Variants in ZNG1A observed in about 807,000 individuals in gnomAD.
ZNG1A encodes the protein zinc-regulated GTPase metalloprotein activator 1A.
the ZNG1A span, among the ~76,000 whole-genome samples, chr9:125,122 G>C: frequency 2.0e-5 from 3 of 152,194 alleles, no homozygotes; most frequent in African/African-American, 7.2e-5. Context: ...AGTTCTTTAA[G>C]GAATCTCCAC....
the ZNG1A span, among the ~76,000 whole-genome samples, chr9:135,248 T>C: frequency 3.9e-3 from 595 of 150,980 alleles, 3 homozygotes; most frequent in African/African-American, 0.014. Context: ...CATTCATATA[T>C]ATACATATGC....
At chr9:123,581 T>TTA in the ZNG1A span, 1 of 581,474 alleles carries the variant, frequency 1.7e-6, no homozygotes, top group Non-Finnish European at 3.1e-6. Flanking sequence ...ATATTAGGTA[T>TTA]TATACTTTCC....
the ZNG1A span, among the ~76,000 whole-genome samples, chr9:152,650 T>C: frequency 3.3e-5 from 5 of 152,032 alleles, no homozygotes; most frequent in African/African-American, 1.2e-4. Context: ...CTCCCTCTTT[T>C]GATACTATAG....
the ZNG1A span, among the ~76,000 whole-genome samples, chr9:155,153 A>G: frequency 6.6e-6 from 1 of 151,900 alleles, no homozygotes; most frequent in African/African-American, 2.4e-5. Flanking sequence ...TTTGTGAAGA[A>G]AAGCATAAAA....
chr9:124,910 A>G, the ZNG1A span, among the ~76,000 whole-genome samples: 1 of 151,594 alleles, frequency 6.6e-6, no homozygotes, highest in South Asian at 2.1e-4. Context: ...GCTGAGGAGT[A>G]TTCCATTGTA....
the ZNG1A span, chr9:159,903 T>C: frequency 8.4e-6 from 3 of 356,984 alleles, no homozygotes; most frequent in African/African-American, 2.2e-5. Flanking sequence ...AGTCTATTTA[T>C]TGTTCTGGCC....
chr9:145,432 G>T, the ZNG1A span, among the ~76,000 whole-genome samples: 13 of 150,830 alleles, frequency 8.6e-5, no homozygotes, highest in African/African-American at 3.2e-4. Flanking sequence ...ATCATTCTCA[G>T]TAAACTATCG....
chr9:129,601 G>C, the ZNG1A span, among the ~76,000 whole-genome samples: 1 of 149,976 alleles, frequency 6.7e-6, no homozygotes, highest in Non-Finnish European at 1.5e-5. Flanking sequence ...CTAATATCAG[G>C]TGTCTAAAAC....
At chr9:159,498 T>C in the ZNG1A span, among the ~76,000 whole-genome samples, 1 of 152,364 alleles carries the variant, frequency 6.6e-6, no homozygotes, top group Non-Finnish European at 1.5e-5. Context: ...TCGATTGTTT[T>C]ATAATGTAAT....
At chr9:139,934 C>T in the ZNG1A span, among the ~76,000 whole-genome samples, 1 of 150,638 alleles carries the variant, frequency 6.6e-6, no homozygotes, top group Non-Finnish European at 1.5e-5. Flanking sequence ...CACTCCCACC[C>T]CAATACTGCG....
chr9:146,885 C>G, the ZNG1A span: 1 of 151,992 alleles, frequency 6.6e-6, no homozygotes, highest in African/African-American at 2.4e-5. Flanking sequence ...CAGAAAACCA[C>G]AGAGGACAGG....
chr9:126,737 G>C, the ZNG1A span, among the ~76,000 whole-genome samples: 3 of 151,442 alleles, frequency 2.0e-5, no homozygotes, highest in South Asian at 6.3e-4. Flanking sequence ...CCTTTCTTCT[G>C]CTGGGTTTGT....
the ZNG1A span, among the ~76,000 whole-genome samples, chr9:129,874 G>A: frequency 6.8e-6 from 1 of 147,630 alleles, no homozygotes; most frequent in African/African-American, 2.5e-5. Flanking sequence ...GAAATGAGCT[G>A]TTGGGCAATT....
the ZNG1A span, among the ~76,000 whole-genome samples, chr9:169,130 C>T: frequency 1.2e-3 from 176 of 152,272 alleles, no homozygotes; most frequent in African/African-American, 4.1e-3. Flanking sequence ...AAGGATTCAT[C>T]ATTCTAGATG....
the ZNG1A span, among the ~76,000 whole-genome samples, chr9:126,479 T>C: frequency 2.0e-4 from 30 of 151,892 alleles, no homozygotes; most frequent in African/African-American, 7.3e-4. Flanking sequence ...TTTTAGGTTT[T>C]CTAGTTTATG....
the ZNG1A span, among the ~76,000 whole-genome samples, chr9:158,419 T>G: frequency 2.6e-5 from 4 of 151,470 alleles, no homozygotes; most frequent in East Asian, 7.7e-4. Context: ...ACTGAAATAT[T>G]TTTCAAGATA....
the ZNG1A span, among the ~76,000 whole-genome samples, chr9:176,648 C>T: frequency 4.0e-5 from 6 of 151,836 alleles, no homozygotes; most frequent in South Asian, 1.0e-3. Context: ...AGCTCAACAT[C>T]ACAAAAATAT....
At chr9:164,039 T>C in the ZNG1A span, 4 of 1,580,808 alleles carry the variant, frequency 2.5e-6, no homozygotes, top group Admixed American at 5.5e-5. Context: ...CCACTGCACC[T>C]GAAAATATAT....
the ZNG1A span, among the ~76,000 whole-genome samples, chr9:139,385 A>C: frequency 2.0e-5 from 3 of 149,236 alleles, no homozygotes; most frequent in East Asian, 5.9e-4. Flanking sequence ...GGAAGCTGCT[A>C]TTCAAGGGGT....
Sources: gnomAD v4.1 joint callset for allele counts (sites outside exome capture counted in the v4.1 genomes callset) on GRCh38, gnomAD v4.1.1 for gene constraint, MANE v1.5 for transcripts, NCBI Gene and HGNC (gene_info 2026-07-23, HGNC 2026-07-21) for gene names.